Variants in BLTP1 observed in about 807,000 individuals in gnomAD.
BLTP1 encodes the protein bridge-like lipid transfer protein family member 1.
At chr4:122,338,307 A>G in the BLTP1 span, among the ~76,000 whole-genome samples, 1 of 151,944 alleles carries the variant, frequency 6.6e-6, no homozygotes, top group African/African-American at 2.4e-5. Context: ...TCTCTACCAA[A>G]AAAAAATAAA....
the BLTP1 span, chr4:122,270,858 C>A: frequency 1.4e-5 from 7 of 483,164 alleles, no homozygotes; most frequent in African/African-American, 2.1e-5. Context: ...CATAAAAAGC[C>A]TGGCCTAGTG....
At chr4:122,310,198 A>G in the BLTP1 span, among the ~76,000 whole-genome samples, 3 of 152,074 alleles carry the variant, frequency 2.0e-5, no homozygotes, top group Admixed American at 1.3e-4. Context: ...CTAGAGGGAA[A>G]TCTTTCTACT....
chr4:122,328,274 G>A, the BLTP1 span: 53,042 of 1,610,816 alleles, frequency 0.033, 1,079 homozygotes, highest in Non-Finnish European at 0.04. Flanking sequence ...ATGACAGTTT[G>A]TCTTCTACCA....
the BLTP1 span, chr4:122,193,663 T>A: frequency 1.1e-6 from 1 of 885,568 alleles, no homozygotes; most frequent in African/African-American, 1.8e-5. Flanking sequence ...TTAGTTAAAT[T>A]AGTTTAGTTT....
chr4:122,301,376 T>C, the BLTP1 span: 13 of 1,594,782 alleles, frequency 8.2e-6, no homozygotes, highest in Non-Finnish European at 1.1e-5. Context: ...TTCTCCTCTA[T>C]TCCCTAAACT....
At chr4:122,169,664 C>T in the BLTP1 span, 42 of 928,142 alleles carry the variant, frequency 4.5e-5, no homozygotes, top group Admixed American at 6.2e-5. Flanking sequence ...ACTGTGTGTG[C>T]ATATATACAT....
At chr4:122,305,214 A>C in the BLTP1 span, 1 of 983,026 alleles carries the variant, frequency 1.0e-6, no homozygotes, top group Non-Finnish European at 1.2e-6. Flanking sequence ...TTAATCCAGT[A>C]TCTTCGTAAT....
chr4:122,185,159 T>C, the BLTP1 span: 592 of 983,736 alleles, frequency 6.0e-4, 3 homozygotes, highest in African/African-American at 9.2e-3. Flanking sequence ...AGTAGATTAC[T>C]AGGTGAAAAG....
At chr4:122,208,268 T>G in the BLTP1 span, 2 of 638,926 alleles carry the variant, frequency 3.1e-6, no homozygotes, top group Non-Finnish European at 3.9e-6. Context: ...ATTTATACAT[T>G]AGGAAAGTGA....
the BLTP1 span, among the ~76,000 whole-genome samples, chr4:122,345,330 C>T: frequency 2.0e-5 from 3 of 151,872 alleles, no homozygotes; most frequent in African/African-American, 7.3e-5. Flanking sequence ...TCAGAAAAGG[C>T]TTCACATAGG....
At chr4:122,306,055 A>G in the BLTP1 span, 10 of 1,598,452 alleles carry the variant, frequency 6.3e-6, no homozygotes, top group Admixed American at 1.4e-4. Context: ...GGTAAGATAA[A>G]GTCAATCACT....
chr4:122,316,726 T>C, the BLTP1 span: 2 of 1,602,734 alleles, frequency 1.2e-6, no homozygotes, highest in Non-Finnish European at 1.7e-6. Context: ...ACTTTTGACT[T>C]TTCAGGAAGC....
At chr4:122,177,685 G>C in the BLTP1 span, among the ~76,000 whole-genome samples, 2 of 152,154 alleles carry the variant, frequency 1.3e-5, no homozygotes, top group African/African-American at 4.8e-5. Context: ...AACTGCAGCA[G>C]AGCCACCATG....
the BLTP1 span, chr4:122,239,521 C>G: frequency 6.4e-7 from 1 of 1,564,148 alleles, no homozygotes; most frequent in South Asian, 1.2e-5. Context: ...TTTAGTATCC[C>G]TACAGAAATT....
At chr4:122,356,921 T>G in the BLTP1 span, 20 of 985,158 alleles carry the variant, frequency 2.0e-5, no homozygotes, top group Non-Finnish European at 2.4e-5. Flanking sequence ...TCTGAGTACT[T>G]GCTATATATA....
At chr4:122,207,292 A>G in the BLTP1 span, 1 of 1,570,084 alleles carries the variant, frequency 6.4e-7, no homozygotes, top group Admixed American at 1.8e-5. Context: ...AATTAGGTTA[A>G]ATATTTCTCT....
At chr4:122,274,381 G>T in the BLTP1 span, 6 of 1,598,820 alleles carry the variant, frequency 3.8e-6, no homozygotes, top group Non-Finnish European at 2.6e-6. Flanking sequence ...TTGTGCTACT[G>T]CTCATATTGG....
the BLTP1 span, chr4:122,178,003 A>G: frequency 1.9e-6 from 1 of 539,094 alleles, no homozygotes; most frequent in African/African-American, 2.1e-5. Flanking sequence ...TGGTGTCTAG[A>G]AAAATGCTTA....
the BLTP1 span, chr4:122,274,642 C>A: frequency 1.0e-6 from 1 of 980,892 alleles, no homozygotes; most frequent in Non-Finnish European, 1.2e-6. Flanking sequence ...TACCTTCATT[C>A]CTAACTTCCA....
Sources: gnomAD v4.1 joint callset for allele counts (sites outside exome capture counted in the v4.1 genomes callset) on GRCh38, gnomAD v4.1.1 for gene constraint, MANE v1.5 for transcripts, NCBI Gene and HGNC (gene_info 2026-07-23, HGNC 2026-07-21) for gene names.